Variants in LPIN1 observed in about 807,000 individuals in gnomAD.
The protein encoded by LPIN1 is phosphatidate phosphatase LPIN1.
Under a neutral mutation model 107.5 loss-of-function variants are expected in LPIN1, and 71 were observed. That is an observed-to-expected ratio of 0.66 (90% CI 0.55 to 0.80). LPIN1 has a LOEUF of 0.80. Ranked by LOEUF, LPIN1 falls within the 30% of genes least tolerant of loss-of-function variation. The pLI is 0.00. For missense variants in LPIN1, 1,043 were observed against 1,160.6 expected (o/e 0.90, Z 1.47); for synonymous variants, 445 against 452.6 (o/e 0.98, Z 0.21).
At chr2:11,696,936 C>T (rs1271102976) in intron 1 of LPIN1, among the ~76,000 whole-genome samples, 1 of 152,200 alleles carries the variant, frequency 6.6e-6, no homozygotes, top group South Asian at 2.1e-4. Context: ...TGTGCTCCTG[C>T]GTCTCTCTGT....
chr2:11,765,982 C>T lies in LPIN1; in HGVS notation c.192+249C>T, dbSNP rs1026169576. Among the ~76,000 whole-genome samples, 5 of 152,222 alleles carry T rather than the reference C, an allele frequency of 3.3e-5. No homozygotes were observed. Among genetic ancestry groups the T allele is most frequent in the Non-Finnish European group, 7.3e-5 (5 of 68,042 alleles). ...CTGTGGGTCAGGAATTTAGGCAGAG[C>T]ACAGTGGGGTGGTTTGTCTCTGCTC... On this transcript the variant is annotated intron_variant, in intron 2 of 20. Coordinates refer to ENST00000674199, the MANE Select transcript of LPIN1 (RefSeq NM_001349206.2). This position sits in a 1 kb window ranked among gnomAD's most constrained non-coding sequence, Gnocchi z 4.4.
chr2:11,807,505 C>G (rs1678907603), intron 17 of LPIN1, among the ~76,000 whole-genome samples: 1 of 148,232 alleles, frequency 6.7e-6, no homozygotes, highest in Admixed American at 6.7e-5. Context: ...AGCCCTGTTG[C>G]TTTTTAATTT....
chr2:11,791,321 T>G (rs1030521490), intron 12 of LPIN1, among the ~76,000 whole-genome samples: 2 of 152,236 alleles, frequency 1.3e-5, no homozygotes, highest in Admixed American at 1.3e-4. Context: ...TTTTGTTCTT[T>G]GGAAAAACGT....
intron 1 of LPIN1, among the ~76,000 whole-genome samples, chr2:11,690,218 T>TC (rs1662202030): frequency 6.6e-6 from 1 of 152,264 alleles, no homozygotes; most frequent in African/African-American, 2.4e-5. Context: ...TCATGGTTCT[T>TC]CTAGGGACTG....
intron 2 of LPIN1, among the ~76,000 whole-genome samples, chr2:11,715,970 A>G (rs781187203): frequency 3.3e-5 from 5 of 152,136 alleles, no homozygotes; most frequent in Non-Finnish European, 7.4e-5. Context: ...CTGTGAGAGT[A>G]CAGCTATAGG....
At chr2:11,782,998 A>G (rs1480586083) in intron 8 of LPIN1, among the ~76,000 whole-genome samples, 4 of 152,136 alleles carry the variant, frequency 2.6e-5, no homozygotes, top group African/African-American at 9.7e-5. Flanking sequence ...AGTCTTTTCT[A>G]TCTAACTTGC....
intron 1 of LPIN1, among the ~76,000 whole-genome samples, chr2:11,753,285 A>C (rs1027042832): frequency 5.3e-5 from 8 of 152,164 alleles, no homozygotes; most frequent in Non-Finnish European, 1.2e-4. Context: ...AAGACCTTTA[A>C]AAGGCCTCTG....
At chr2:11,775,476 G>A (rs754300068) in intron 5 of LPIN1, among the ~76,000 whole-genome samples, 3 of 152,216 alleles carry the variant, frequency 2.0e-5, no homozygotes, top group Non-Finnish European at 4.4e-5. Flanking sequence ...ACTGAGTCAG[G>A]TTATGTAGCT....
At chr2:11,760,393 T>A (rs946034820) in intron 1 of LPIN1, among the ~76,000 whole-genome samples, 1 of 152,146 alleles carries the variant, frequency 6.6e-6, no homozygotes, top group African/African-American at 2.4e-5. Context: ...CTGGGCAACA[T>A]TGAGCACTGA....
At chr2:11,699,751 T>C (rs4233900) in intron 1 of LPIN1, among the ~76,000 whole-genome samples, 150,731 of 152,170 alleles carry the variant, frequency 0.99, 74,669 homozygotes, top group East Asian at 1. Context: ...TGGGGCTGCT[T>C]TTAGGGAGCT....
rs9287737 is a variant in LPIN1, at chr2:11,707,131, G to A, written c.82-6625G>A. Among the ~76,000 whole-genome samples the A allele has an allele frequency of 0.13, 20,330 of 152,132 alleles. 1,546 individuals carry two copies. Among genetic ancestry groups the A allele is most frequent in the East Asian group, 0.3 (1,530 of 5,170 alleles). ...TGCTGGGAGTATGGCAGGAGAGAAA[G>A]GAAGGTCCTATATTTTAGTAGGAAA... On this transcript the variant is annotated intron_variant, in intron 1 of 21. Coordinates refer to the LPIN1 transcript ENST00000449576. This position sits in a 1 kb window ranked among gnomAD's most constrained non-coding sequence, Gnocchi z 4.2.
upstream of LPIN1, chr2:11,745,800 C>G (rs1490601791): frequency 6.6e-6 from 1 of 152,570 alleles, no homozygotes. Context: ...TGCCTTCCCT[C>G]CAGCCCACAG....
intron 1 of LPIN1, among the ~76,000 whole-genome samples, chr2:11,725,373 C>T (rs1262188996): frequency 2.0e-5 from 3 of 152,224 alleles, no homozygotes; most frequent in Non-Finnish European, 2.9e-5. Flanking sequence ...GGACAGGGAA[C>T]TCCCCAAGTT....
At chr2:11,745,651 A>AGAAG (rs1666826114), upstream of LPIN1, among the ~76,000 whole-genome samples, 1 of 152,252 alleles carries the variant, frequency 6.6e-6, no homozygotes, top group Non-Finnish European at 1.5e-5. Context: ...TGAAGGCTGC[A>AGAAG]GTGAACCGAG....
chr2:11,783,962 CTG>C, intron 9 of LPIN1, 40 bp downstream of exon 9: 1 of 1,613,398 alleles, frequency 6.2e-7, no homozygotes, highest in Non-Finnish European at 8.5e-7. Context: ...TTCCTATAAT[CTG>C]AATATCATTC....
At chr2:11,750,574 C>T (rs1007501108) in intron 1 of LPIN1, among the ~76,000 whole-genome samples, 5 of 152,186 alleles carry the variant, frequency 3.3e-5, no homozygotes, top group South Asian at 2.1e-4. Flanking sequence ...AGAATTAGCA[C>T]GTGGTTTTTA....
chr2:11,710,792 C>T (rs1390585697), intron 1 of LPIN1, among the ~76,000 whole-genome samples: 1 of 152,112 alleles, frequency 6.6e-6, no homozygotes, highest in Admixed American at 6.5e-5. Context: ...TCCACCGTGA[C>T]TGCCAACTGC....
At chr2:11,784,761 T>G in intron 9 of LPIN1, 125 bp from the exon 10 acceptor site, 1 of 856,496 alleles carries the variant, frequency 1.2e-6, no homozygotes, top group Non-Finnish European at 2.0e-6. Flanking sequence ...AATAAACATC[T>G]GTGCTGAGAT....
Position 11,787,164 on chromosome 2 carries a change from GT to G in LPIN1, c.1641del (p.Ser547ArgfsTer32). On this transcript the variant is annotated frameshift_variant and splice_region_variant, in exon 11 of 21. Transcript: ENST00000674199. LOFTEE classifies it high-confidence loss of function. The part of the protein sequence containing the change: ...DDPNLVVKIG[S>X]KYYNWTTAAP... Reference sequence around the variant, plus strand: ...CCCAATCTCGTGGTAAAGATTGGGAGTAAGTAAGTACCTCTTGAAAGTCACT... The same window carrying G: ...CCCAATCTCGTGGTAAAGATTGGGAGAAGTAAGTACCTCTTGAAAGTCACT... 6.2e-7 allele frequency: 1 copy of G among 1,609,340 alleles called. No individual in the cohort carries two copies. The highest frequency in any genetic ancestry group is 8.5e-7 in the Non-Finnish European group (1 of 1,175,514).
Sources: allele counts gnomAD v4.1 joint callset (sites outside exome capture counted in the v4.1 genomes callset), GRCh38; gene constraint gnomAD v4.1.1; non-coding constraint Gnocchi (gnomAD v3.1); transcripts MANE v1.5; gene names NCBI Gene and HGNC (gene_info 2026-07-23, HGNC 2026-07-21).